Variants in CFAP299 observed in about 807,000 individuals in gnomAD.
CFAP299 encodes cilia- and flagella-associated protein 299.
Under a neutral mutation model 27.0 loss-of-function variants are expected in CFAP299, and 21 were observed. The ratio of observed to expected loss-of-function variants is 0.78; its 90% confidence interval spans 0.55 to 1.12. The LOEUF is 1.12. Ranked by LOEUF, CFAP299 falls within the 50% of genes most tolerant of loss-of-function variation. The pLI is 0.00. For synonymous variants in CFAP299, 104 were observed against 98.1 expected, an observed-to-expected ratio of 1.06 and a Z score of -0.36; for missense variants, 310 against 276.6, an observed-to-expected ratio of 1.12 and a Z score of -0.86.
intron 3 of CFAP299, among the ~76,000 whole-genome samples, chr4:80,625,710 T>C (rs1032663833): frequency 6.6e-6 from 1 of 152,024 alleles, no homozygotes; most frequent in South Asian, 2.1e-4. Context: ...TGCATGTAAA[T>C]GGTAGCCAAA....
At chr4:80,842,815 A>G (rs2110140209) in intron 3 of CFAP299, among the ~76,000 whole-genome samples, 1 of 152,108 alleles carries the variant, frequency 6.6e-6, no homozygotes, top group Non-Finnish European at 1.5e-5. Flanking sequence ...TTTCCTTCAG[A>G]CTCTTTGCAG....
chr4:80,390,870 CATATATGT>C (rs1323312372), intron 2 of CFAP299, among the ~76,000 whole-genome samples: 5 of 100,286 alleles, frequency 5.0e-5, no homozygotes, highest in Non-Finnish European at 8.3e-5. Context: ...TATATGCGCA[CATATATGT>C]ATATATGTAT....
chr4:80,599,509 T>C (rs1273870681), intron 3 of CFAP299, among the ~76,000 whole-genome samples: 1 of 152,156 alleles, frequency 6.6e-6, no homozygotes, highest in Non-Finnish European at 1.5e-5. Context: ...GGTAAAGTGA[T>C]GTAGTTAGTG....
intron 2 of CFAP299, among the ~76,000 whole-genome samples, chr4:80,437,760 A>T (rs1031660739): frequency 1.3e-5 from 2 of 152,128 alleles, no homozygotes; most frequent in Non-Finnish European, 2.9e-5. Flanking sequence ...CCCATGGAGA[A>T]TTGCTTCCCA....
chr4:80,498,007 G>A (rs934367006), intron 2 of CFAP299, among the ~76,000 whole-genome samples: 15 of 152,060 alleles, frequency 9.9e-5, no homozygotes, highest in Admixed American at 9.2e-4. Flanking sequence ...AAGCAGTGAG[G>A]AAAAGATTCC....
chr4:80,720,302 A>G lies in CFAP299; in HGVS notation c.333+137119A>G, dbSNP rs538037980. Among the ~76,000 whole-genome samples, 39 of 152,282 alleles carry G rather than the reference A, an allele frequency of 2.6e-4. 1 individual carries two copies. Among genetic ancestry groups the G allele is most frequent in the African/African-American group, 8.9e-4 (37 of 41,570 alleles). ...TGAGACAGAATAATTGTTAAAGGCAACACAGGGTCACCAACTAGATTGAAA... is the reference window on the plus strand; with the variant it reads ...TGAGACAGAATAATTGTTAAAGGCAGCACAGGGTCACCAACTAGATTGAAA... On this transcript the variant is annotated intron_variant, in intron 3 of 5. Coordinates refer to ENST00000358105, the MANE Select transcript of CFAP299 (RefSeq NM_152770.3).
At chr4:80,918,397 C>T (rs1410747980) in intron 4 of CFAP299, among the ~76,000 whole-genome samples, 11 of 152,098 alleles carry the variant, frequency 7.2e-5, no homozygotes, top group Non-Finnish European at 1.6e-4. Context: ...TTAGCTTATC[C>T]TTGTTGATCC....
At chr4:80,843,868 G>A (rs556304784) in intron 3 of CFAP299, among the ~76,000 whole-genome samples, 2 of 151,980 alleles carry the variant, frequency 1.3e-5, no homozygotes, top group Non-Finnish European at 2.9e-5. Context: ...CCATTAACTC[G>A]TCATTTAGCA....
At chr4:80,383,706 A>G (rs1005502579) in intron 2 of CFAP299, among the ~76,000 whole-genome samples, 26 of 152,186 alleles carry the variant, frequency 1.7e-4, no homozygotes, top group Non-Finnish European at 3.8e-4. Context: ...TAAAGACCCT[A>G]TCAAATTTTC....
At chr4:80,497,708 A>C (rs1731527101) in intron 2 of CFAP299, among the ~76,000 whole-genome samples, 1 of 152,122 alleles carries the variant, frequency 6.6e-6, no homozygotes, top group African/African-American at 2.4e-5. Flanking sequence ...TTTTAGCCTT[A>C]CTGCATATTA....
Position 80,787,373 on chromosome 4 carries a change from T to C in CFAP299, c.334-82620T>C, listed in dbSNP as rs569883164. On this transcript the variant is annotated intron_variant, in intron 3 of 5. Transcript: ENST00000358105. ...TCTGAATCTTAGTAAAAATCACCTTTTCCTATCCTTCTACCCCTTTTCTTC... is the reference window on the plus strand; with the variant it reads ...TCTGAATCTTAGTAAAAATCACCTTCTCCTATCCTTCTACCCCTTTTCTTC... 8.6e-5 allele frequency among the ~76,000 whole-genome samples: 13 copies of C among 151,916 alleles called. No homozygotes were observed. In the South Asian group the frequency reaches 1.0e-3, roughly 12 times the overall value.
chr4:80,424,947 G>T (rs1384549107), intron 2 of CFAP299, among the ~76,000 whole-genome samples: 2 of 152,154 alleles, frequency 1.3e-5, no homozygotes. Context: ...ATAGTCCACG[G>T]ATAGTGTAGA....
chr4:80,877,402 A>G (rs985944012), intron 4 of CFAP299, among the ~76,000 whole-genome samples: 16 of 152,196 alleles, frequency 1.1e-4, no homozygotes, highest in African/African-American at 3.9e-4. Context: ...CTGAATCCTT[A>G]CTAGAGTATC....
At chr4:80,792,453 A>G (rs756840199) in intron 3 of CFAP299, among the ~76,000 whole-genome samples, 9 of 152,118 alleles carry the variant, frequency 5.9e-5, no homozygotes, top group Non-Finnish European at 1.3e-4. Context: ...CATTAAATTA[A>G]CCTTTGGAGA....
intron 3 of CFAP299, among the ~76,000 whole-genome samples, chr4:80,640,664 G>T (rs1475072039): frequency 6.6e-6 from 1 of 152,082 alleles, no homozygotes; most frequent in Non-Finnish European, 1.5e-5. Context: ...AGTGACACTA[G>T]GTATTACCTA....
intron 2 of CFAP299, among the ~76,000 whole-genome samples, chr4:80,510,989 G>T (rs1732268636): frequency 6.6e-6 from 1 of 152,072 alleles, no homozygotes; most frequent in Non-Finnish European, 1.5e-5. Context: ...AATGAATTTG[G>T]TATTTCTCTG....
intron 3 of CFAP299, among the ~76,000 whole-genome samples, chr4:80,713,470 T>C (rs1388212896): frequency 1.3e-5 from 2 of 152,244 alleles, no homozygotes; most frequent in Admixed American, 1.3e-4. Context: ...CTTTCTATAA[T>C]GTGGGAGGCT....
intron 3 of CFAP299, among the ~76,000 whole-genome samples, chr4:80,618,478 A>G (rs1203183957): frequency 6.6e-6 from 1 of 152,120 alleles, no homozygotes; most frequent in Non-Finnish European, 1.5e-5. Context: ...AGTGTGTCAT[A>G]GATCCAAAAT....
chr4:80,563,183 G>A (rs947665385), intron 2 of CFAP299, among the ~76,000 whole-genome samples: 11 of 152,090 alleles, frequency 7.2e-5, no homozygotes, highest in Middle Eastern at 6.8e-3. Context: ...TAATCTGCAG[G>A]ATAGCCCAAC....
Sources: allele counts gnomAD v4.1 joint callset (sites outside exome capture counted in the v4.1 genomes callset), GRCh38; gene constraint gnomAD v4.1.1; transcripts MANE v1.5; gene names NCBI Gene and HGNC (gene_info 2026-07-23, HGNC 2026-07-21).